MEAK7: variants seen among roughly 807,000 people sequenced by gnomAD.
MEAK7 encodes the protein MTOR associated protein MEAK7, also known as MTOR-associated protein MEAK7.
Under a neutral mutation model 40.5 loss-of-function variants are expected in MEAK7, and 68 were observed. That is an observed-to-expected ratio of 1.68 (90% CI 1.38 to 2.06). The LOEUF is 2.06. Among genes scored for constraint, MEAK7 ranks in the 30% most tolerant of loss-of-function variants. MEAK7 has a pLI of 0.00. For synonymous variants in MEAK7, 338 were observed against 231.9 expected (o/e 1.46, Z -4.16); for missense variants, 918 against 580.5 (o/e 1.58, Z -5.98).
chr16:84,496,726 G>A (rs1007084411), intron 2 of MEAK7, among the ~76,000 whole-genome samples: 4 of 152,010 alleles, frequency 2.6e-5, no homozygotes, highest in Non-Finnish European at 5.9e-5. Context: ...CCACCTAAGC[G>A]TCCTGGGTGT....
Position 84,486,742 on chromosome 16 carries a change from A to C in MEAK7, c.847T>G (p.Cys283Gly), listed in dbSNP as rs1567492623. 6.2e-7 allele frequency: 1 copy of C among 1,613,900 alleles called. No individual in the cohort carries two copies. Among genetic ancestry groups the C allele is most frequent in the Non-Finnish European group, 8.5e-7 (1 of 1,179,898 alleles). The part of the protein sequence containing the change: ...ELHGHSFSQL[C>G]GHITHRGPCV... ...GGTCCCCGGTGAGTGATGTGGCCAC[A>C]GAGCTGGGAGAAGCTGTGTCCATGG... The change falls in exon 5 of 8, where the codon TGT (cysteine) becomes GGT (glycine). Residue 283 changes from cysteine (C) to glycine (G), a missense_variant. Physicochemically the swap from Cys to Gly is radical, Grantham distance 159. Coordinates refer to ENST00000343629, the MANE Select transcript of MEAK7 (RefSeq NM_020947.4).
rs200771884 is a variant in MEAK7, at chr16:84,487,013, G to C, written c.576C>G (p.Asp192Glu). The C allele has an allele frequency of 4.3e-5, 69 of 1,614,024 alleles. No homozygotes were observed. In the African/African-American group the frequency reaches 8.4e-4, roughly 20 times the overall value. ...LGPQWLDYDCDRAVIEDWVFR... is the reference protein window; with the variant it reads ...LGPQWLDYDCERAVIEDWVFR... Reference sequence around the variant, plus strand: ...ACACCCAGTCCTCGATCACAGCTCGGTCACAGTCATAGTCCAGCCACTGGG... The same window carrying C: ...ACACCCAGTCCTCGATCACAGCTCGCTCACAGTCATAGTCCAGCCACTGGG... The change falls in exon 5 of 8, where the codon GAC becomes GAG. Residue 192 changes from aspartate to glutamate, a missense_variant. Asp to Glu is a conservative substitution (Grantham distance 45). Coordinates refer to ENST00000343629, the MANE Select transcript of MEAK7 (RefSeq NM_020947.4).
chr16:84,489,244 A>G (rs532093481), intron 4 of MEAK7, 34 bp downstream of exon 4: 2 of 1,608,554 alleles, frequency 1.2e-6, no homozygotes, highest in Non-Finnish European at 1.7e-6. Context: ...CTCTACAGCA[A>G]AAGACCTGCA....
At position 84,478,066 on chromosome 16, in the gene MEAK7, G is replaced by C. The variant is rs1912196374; in HGVS notation, c.*1847C>G. 6.6e-6 allele frequency: 1 copy of C among 151,754 alleles called. No homozygotes were observed. Among genetic ancestry groups the C allele is most frequent in the African/African-American group, 2.4e-5 (1 of 41,274 alleles). The allele number at this position is 151,754 out of a possible 1,614,324, so 9.4% of individuals were successfully genotyped here. A position where few individuals can be genotyped will look rare whatever the true frequency, so the allele number is the denominator to read the frequency against. Reference sequence around the variant, plus strand: ...GACATTTAATTTTTTTTTTAACTGAGGCATCATGGCAGTTTAATAGTGAGG... The same window carrying C: ...GACATTTAATTTTTTTTTTAACTGACGCATCATGGCAGTTTAATAGTGAGG... On this transcript the variant is annotated 3_prime_UTR_variant, in exon 8 of 8. Coordinates refer to ENST00000343629, the MANE Select transcript of MEAK7 (RefSeq NM_020947.4).
rs1159956402 is a variant in MEAK7 at position 84,482,622 on chromosome 16, G to A, written c.1047C>T (p.Asn349=). 50 of 1,614,122 alleles carry A rather than the reference G, an allele frequency of 3.1e-5. No homozygotes were observed. The highest frequency in any genetic ancestry group is 6.7e-5 in the Admixed American group (4 of 60,004). The change falls in exon 6 of 8, where the codon AAC becomes AAT. Residue 349 remains asparagine, a synonymous_variant. Coordinates refer to ENST00000343629, the MANE Select transcript of MEAK7 (RefSeq NM_020947.4). ...TGYNDHYMYL[N]HGQQTIPNGL... is the part of the protein sequence containing the mutation. ...CGTTCGGGATCGTCTGCTGTCCATG[G>A]TTCAAGTACATGTAGTGGTCGTTGT...
At position 84,498,042 on chromosome 16, in the gene MEAK7, CTG is replaced by C. The variant is rs759714632; in HGVS notation, c.43_44del (p.Gln15ValfsTer4). The C allele has an allele frequency of 6.4e-4, 1,026 of 1,614,120 alleles. 1 individual carries two copies. The highest frequency in any genetic ancestry group is 8.3e-4 in the Non-Finnish European group (978 of 1,180,008). On this transcript the variant is annotated frameshift_variant, in exon 2 of 8. Transcript: ENST00000343629. LOFTEE classifies it high-confidence loss of function. ...TCTCTGCCTGTTCCTCAGGAAGAAACTGTGAACAAAAGCTCCGCCCCACACGG... is the reference window on the plus strand; with the variant it reads ...TCTCTGCCTGTTCCTCAGGAAGAAACTGAACAAAAGCTCCGCCCCACACGG... ...RSRVGRSFCS[Q>X]FLPEEQAEID...
At chr16:84,504,434 C>A (rs1178332728) in intron 1 of MEAK7, among the ~76,000 whole-genome samples, 167 bp downstream of exon 1, 9 of 151,834 alleles carry the variant, frequency 5.9e-5, no homozygotes, top group Non-Finnish European at 1.3e-4. Flanking sequence ...CTCACCTCCC[C>A]GCAGCCTTCA....
At chr16:84,497,325 G>T (rs1003978500) in intron 2 of MEAK7, 4 of 986,846 alleles carry the variant, frequency 4.1e-6, no homozygotes, top group Non-Finnish European at 5.3e-6. Flanking sequence ...ATGGGCAAAT[G>T]GGCAGTTTTA....
At chr16:84,487,139 T>G (rs1597938119) in intron 4 of MEAK7, 80 bp from the exon 5 acceptor site, 99 of 1,415,598 alleles carry the variant, frequency 7.0e-5, no homozygotes, top group Non-Finnish European at 6.1e-5. Flanking sequence ...CTGATCAGTG[T>G]GGGAGCCACG....
chr16:84,480,430 A>G, intron 7 of MEAK7, 99 bp downstream of exon 7: 1 of 1,376,290 alleles, frequency 7.3e-7, no homozygotes, highest in Admixed American at 2.5e-5. Flanking sequence ...GGGATAAACT[A>G]TCTGCAGACA....
chr16:84,480,732 A>C (rs1026696601), intron 6 of MEAK7, 24 bp from the exon 7 acceptor site: 1 of 1,595,812 alleles, frequency 6.3e-7, no homozygotes, highest in Non-Finnish European at 8.5e-7. Context: ...CAGGACAGAG[A>C]ATAGCATCAG....
intron 5 of MEAK7, chr16:84,486,309 C>T (rs114333324): frequency 2.6e-4 from 119 of 454,850 alleles, no homozygotes; most frequent in African/African-American, 1.8e-3. Context: ...GGAAAATGTC[C>T]GATCTGAACC....
At chr16:84,481,777 C>CA (rs1176549352) in intron 6 of MEAK7, among the ~76,000 whole-genome samples, 1 of 151,918 alleles carries the variant, frequency 6.6e-6, no homozygotes, top group South Asian at 2.1e-4. Context: ...ACTAAAAATA[C>CA]AAAAAAATTA....
chr16:84,497,758 G>A (rs1914172485), intron 2 of MEAK7, 176 bp downstream of exon 2: 1 of 1,305,816 alleles, frequency 7.7e-7, no homozygotes. Flanking sequence ...CTACAACAGA[G>A]ACCGCATAGC....
In MEAK7 at chr16:84,478,909, T is replaced by A. The variant is rs1453463050; in HGVS notation, c.*1004A>T. 1 of 152,214 alleles carries A rather than the reference T, an allele frequency of 6.6e-6. No homozygotes were observed. The highest frequency in any genetic ancestry group is 2.4e-5 in the African/African-American group (1 of 41,438). 9.4% of individuals were successfully genotyped at this position (152,214 alleles called of 1,614,324 possible). ...AGAACCCAGGCCAGTCACTCACCAC[T>A]GATTTATGGAATGGACCATATACGT... On this transcript the variant is annotated 3_prime_UTR_variant, in exon 8 of 8. Transcript: ENST00000343629.
At chr16:84,500,602 A>C (rs1414349780) in intron 1 of MEAK7, among the ~76,000 whole-genome samples, 2 of 152,158 alleles carry the variant, frequency 1.3e-5, no homozygotes, top group Non-Finnish European at 2.9e-5. Flanking sequence ...GCTGGAAACG[A>C]GGGCTTACCC....
rs767045556 is a variant in MEAK7 at position 84,498,002 on chromosome 16, C to G, written c.85G>C (p.Asp29His). 2 of 1,614,184 alleles carry G rather than the reference C, an allele frequency of 1.2e-6. No homozygotes were observed. The highest frequency in any genetic ancestry group is 1.3e-5 in the African/African-American group (1 of 75,034). ...EEQAEIDQLF[D>H]ALSSDKNSPN... ...CTGTTTTTATCTGATGACAGAGCAT[C>G]AAACAATTGATCAATCTCTGCCTGT... is the stretch of plus-strand genomic sequence containing the variant. The change falls in exon 2 of 8, where the codon GAT becomes CAT. Residue 29 changes from aspartate to histidine, a missense_variant. Physicochemically the swap from Asp to His is moderately conservative, Grantham distance 81. Transcript: ENST00000343629.
intron 3 of MEAK7, among the ~76,000 whole-genome samples, chr16:84,490,654 ATGTG>A (rs35489449): frequency 0.011 from 1,520 of 137,588 alleles, 29 homozygotes; most frequent in African/African-American, 0.031. Flanking sequence ...GCTAATCAAG[ATGTG>A]TGTGTGTGTG....
intron 3 of MEAK7, among the ~76,000 whole-genome samples, chr16:84,492,182 G>A (rs112583332): frequency 1.3e-5 from 2 of 152,198 alleles, no homozygotes; most frequent in African/African-American, 4.8e-5. Flanking sequence ...AATTAGTTCA[G>A]AGGTTCTCTG....
Sources: allele counts gnomAD v4.1 joint callset (sites outside exome capture counted in the v4.1 genomes callset), GRCh38; gene constraint gnomAD v4.1.1; transcripts MANE v1.5; gene names NCBI Gene and HGNC (gene_info 2026-07-23, HGNC 2026-07-21).